The following HS3ST3A1 variants were observed in gnomAD, a reference collection of about 807,000 sequenced individuals.
The protein encoded by HS3ST3A1 is heparan sulfate-glucosamine 3-sulfotransferase 3A1, also known as heparan sulfate glucosamine 3-O-sulfotransferase 3A1.
Under a neutral mutation model 25.7 loss-of-function variants are expected in HS3ST3A1, and 19 were observed. The observed-to-expected ratio is 0.74, with a 90% CI of 0.52 to 1.08. The LOEUF (loss-of-function observed/expected upper bound fraction) is 1.08. Among genes scored for constraint, HS3ST3A1 ranks in the 50% least tolerant of loss-of-function variants. HS3ST3A1 has a pLI of 0.00. For synonymous variants in HS3ST3A1, 226 were observed against 278.6 expected (o/e 0.81, Z 1.88); for missense variants, 459 against 594.3 (o/e 0.77, Z 2.37).
chr17:13,496,402 T>A lies in HS3ST3A1; in HGVS notation c.1016A>T (p.Lys339Met). ...CTTGGTCTTGTTGAAGTAGAAGTGCTTGTCCGTGATGATCCTCTTGAGGCC... is the reference window on the plus strand; with the variant it reads ...CTTGGTCTTGTTGAAGTAGAAGTGCATGTCCGTGATGATCCTCTTGAGGCC... ...FLGLKRIITD[K>M]HFYFNKTKGF... The change falls in exon 2 of 2, where the codon AAG (lysine) becomes ATG (methionine). Residue 339 changes from lysine to methionine, a missense_variant. Lys to Met is a moderately conservative substitution (Grantham distance 95). This residue lies in a region of HS3ST3A1 where 67 missense variants were observed against 231.4 expected (regional missense o/e 0.29). Coordinates refer to ENST00000284110, the MANE Select transcript of HS3ST3A1 (RefSeq NM_006042.3). 7.3e-7 allele frequency: 1 copy of A among 1,371,052 alleles called. No individual in the cohort carries two copies. The highest frequency in any genetic ancestry group is 1.0e-6 in the Non-Finnish European group (1 of 989,582). The allele number at this position is 1,371,052 out of a possible 1,614,324, so 84.9% of individuals were successfully genotyped here. A position where few individuals can be genotyped will look rare whatever the true frequency, so the allele number is the denominator to read the frequency against.
chr17:13,590,894 G>C (rs1368395958), intron 1 of HS3ST3A1, among the ~76,000 whole-genome samples: 1 of 148,254 alleles, frequency 6.7e-6, no homozygotes, highest in East Asian at 2.0e-4. Flanking sequence ...AAGGTTCCGG[G>C]AGAGCACTGG....
At chr17:13,569,289 TAC>T (rs1283943241) in intron 1 of HS3ST3A1, among the ~76,000 whole-genome samples, 7 of 152,228 alleles carry the variant, frequency 4.6e-5, no homozygotes, top group Admixed American at 4.6e-4. Context: ...TGGTAGCTGT[TAC>T]ATTTTATGCA....
At chr17:13,597,751 G>A (rs1298342403) in intron 1 of HS3ST3A1, among the ~76,000 whole-genome samples, 1 of 152,150 alleles carries the variant, frequency 6.6e-6, no homozygotes, top group East Asian at 1.9e-4. Context: ...AATGAAGGAA[G>A]TGTTTATTAC....
chr17:13,571,437 C>T (rs148973251), intron 1 of HS3ST3A1, among the ~76,000 whole-genome samples: 10 of 152,276 alleles, frequency 6.6e-5, no homozygotes, highest in East Asian at 3.9e-4. Context: ...TACGCTTTGA[C>T]GACTGCAGGA....
intron 1 of HS3ST3A1, among the ~76,000 whole-genome samples, chr17:13,584,522 GGAAGGAAGGAAA>G (rs1908199403): frequency 6.9e-6 from 1 of 144,022 alleles, no homozygotes; most frequent in African/African-American, 2.7e-5. Context: ...AAGGAAAAAA[GGAAGGAAGGAAA>G]GAAGGAAGGA....
At chr17:13,541,345 A>C (rs1297696496) in intron 1 of HS3ST3A1, among the ~76,000 whole-genome samples, 1 of 152,118 alleles carries the variant, frequency 6.6e-6, no homozygotes, top group African/African-American at 2.4e-5. Flanking sequence ...ATGTTCTATT[A>C]ATGGATTTTA....
At chr17:13,539,865 T>A (rs1201108947) in intron 1 of HS3ST3A1, among the ~76,000 whole-genome samples, 3 of 152,170 alleles carry the variant, frequency 2.0e-5, no homozygotes, top group Non-Finnish European at 4.4e-5. Context: ...ATCTTTAACT[T>A]CTTTACTCAT....
intron 1 of HS3ST3A1, among the ~76,000 whole-genome samples, chr17:13,525,958 C>T (rs1341827859): frequency 6.6e-6 from 1 of 151,972 alleles, no homozygotes; most frequent in East Asian, 1.9e-4. Context: ...AACTGGTATG[C>T]CAAGGCTGAG....
intron 1 of HS3ST3A1, among the ~76,000 whole-genome samples, chr17:13,557,426 C>T (rs1365416239): frequency 2.7e-5 from 4 of 150,226 alleles, no homozygotes; most frequent in African/African-American, 1.0e-4. Flanking sequence ...ACAAAGGCAC[C>T]TTTCAGAGGG....
chr17:13,583,412 G>A (rs1217775413), intron 1 of HS3ST3A1, among the ~76,000 whole-genome samples: 1 of 152,292 alleles, frequency 6.6e-6, no homozygotes, highest in East Asian at 1.9e-4. Context: ...GAGTCACAAG[G>A]AGTCTGGCTT....
chr17:13,529,301 C>A (rs566296679), intron 1 of HS3ST3A1, among the ~76,000 whole-genome samples: 13 of 152,204 alleles, frequency 8.5e-5, no homozygotes, highest in African/African-American at 3.1e-4. Context: ...AAGAAAATGG[C>A]AGTTAATATT....
At chr17:13,569,582 G>C (rs967010574) in intron 1 of HS3ST3A1, among the ~76,000 whole-genome samples, 1 of 152,042 alleles carries the variant, frequency 6.6e-6, no homozygotes, top group East Asian at 1.9e-4. Flanking sequence ...GGTGATTCAC[G>C]GCCAGTGTCC....
At chr17:13,550,630 T>G (rs542489528) in intron 1 of HS3ST3A1, among the ~76,000 whole-genome samples, 44 of 152,200 alleles carry the variant, frequency 2.9e-4, no homozygotes, top group African/African-American at 9.9e-4. Flanking sequence ...AATTTGAAGA[T>G]ATATTCAGGA....
chr17:13,574,626 G>A (rs141339249), intron 1 of HS3ST3A1, among the ~76,000 whole-genome samples: 2,166 of 152,006 alleles, frequency 0.014, 95 homozygotes, highest in East Asian at 0.12. Flanking sequence ...GCTGAGGCAG[G>A]AGAATGGCAT....
intron 1 of HS3ST3A1, among the ~76,000 whole-genome samples, chr17:13,522,810 G>A (rs1906288378): frequency 1.3e-5 from 2 of 149,632 alleles, no homozygotes; most frequent in South Asian, 2.1e-4. Flanking sequence ...GTCAAGTCAA[G>A]CTTCATAATC....
At chr17:13,579,372 C>A (rs1000320243) in intron 1 of HS3ST3A1, among the ~76,000 whole-genome samples, 18 of 152,030 alleles carry the variant, frequency 1.2e-4, no homozygotes, top group African/African-American at 4.3e-4. Flanking sequence ...TAAAAAGTAC[C>A]TTAAAGGGGT....
chr17:13,546,192 T>A (rs923445477), intron 1 of HS3ST3A1, among the ~76,000 whole-genome samples: 23 of 152,184 alleles, frequency 1.5e-4, no homozygotes, highest in African/African-American at 5.1e-4. Context: ...TTTATCTTTA[T>A]ATGCCACTCC....
At chr17:13,518,387 G>C (rs1052030992) in intron 1 of HS3ST3A1, among the ~76,000 whole-genome samples, 1 of 152,118 alleles carries the variant, frequency 6.6e-6, no homozygotes, top group Non-Finnish European at 1.5e-5. Context: ...ATAGTATTAG[G>C]TTACAAAACA....
chr17:13,498,372 G>A lies in HS3ST3A1; in HGVS notation c.600-1554C>T, dbSNP rs147563865. 4.2e-3 allele frequency among the ~76,000 whole-genome samples: 636 copies of A among 152,202 alleles called. 6 individuals carry two copies. The highest frequency in any genetic ancestry group is 0.014 in the African/African-American group (586 of 41,520). ...TTCTCTGAACTTCTCTTGCCCCTCT[G>A]TCTTTCAATCCTACTCTTACCAAAG... On this transcript the variant is annotated intron_variant, in intron 1 of 1. Transcript: ENST00000284110.
Sources: allele counts gnomAD v4.1 joint callset (sites outside exome capture counted in the v4.1 genomes callset), GRCh38; gene constraint gnomAD v4.1.1; regional missense constraint gnomAD v4.1.1; transcripts MANE v1.5; gene names NCBI Gene and HGNC (gene_info 2026-07-23, HGNC 2026-07-21).